The following ELMO1 variants were observed in gnomAD, a reference collection of about 807,000 sequenced individuals.
ELMO1 encodes the protein engulfment and cell motility protein 1.
Under a neutral mutation model 98.9 loss-of-function variants are expected in ELMO1, and 26 were observed. The observed-to-expected ratio is 0.26, with a 90% CI of 0.19 to 0.36. ELMO1 has a LOEUF of 0.36. ELMO1 is among the 10% of genes least tolerant of loss of function. The pLI, the probability that ELMO1 is intolerant of heterozygous loss-of-function variation, is 1.00. For missense variants in ELMO1, 627 were observed against 935.2 expected (o/e 0.67, Z 4.30); for synonymous variants, 346 against 346.0 (o/e 1.00, Z 0.00).
rs1584634535 is a variant in ELMO1, at chr7:37,094,897, C to T, written c.1300+1722G>A. ...AGTAGCAGAGCTGAACTCAGTTCCCCTCTATTCCCAGCAATCTCTACCTCC... is the reference window on the plus strand; with the variant it reads ...AGTAGCAGAGCTGAACTCAGTTCCCTTCTATTCCCAGCAATCTCTACCTCC... On this transcript the variant is annotated intron_variant, in intron 15 of 21. Transcript: ENST00000310758. Among the ~76,000 whole-genome samples, 3 of 152,202 alleles carry T rather than the reference C, an allele frequency of 2.0e-5. No individual in the cohort carries two copies. The South Asian group carries it at 6.2e-4, about 32-fold the overall frequency.
intron 13 of ELMO1, among the ~76,000 whole-genome samples, chr7:37,163,397 G>C (rs1789373533): frequency 6.6e-6 from 1 of 151,162 alleles, no homozygotes; most frequent in African/African-American, 2.5e-5. Flanking sequence ...CAATGTGCAG[G>C]TTAGTTACAT....
chr7:37,146,473 C>G (rs1194539448), intron 13 of ELMO1, among the ~76,000 whole-genome samples: 1 of 152,158 alleles, frequency 6.6e-6, no homozygotes, highest in Non-Finnish European at 1.5e-5. Flanking sequence ...TGGGCAGTGA[C>G]TCTTAGTGAA....
chr7:37,278,034 T>C (rs765907546), intron 4 of ELMO1, among the ~76,000 whole-genome samples: 1 of 151,608 alleles, frequency 6.6e-6, no homozygotes, highest in Non-Finnish European at 1.5e-5. Flanking sequence ...TCATGACCCA[T>C]GCATGCTTTG....
intron 14 of ELMO1, among the ~76,000 whole-genome samples, chr7:37,116,185 G>A (rs1017765014): frequency 3.3e-5 from 5 of 152,122 alleles, no homozygotes; most frequent in African/African-American, 1.2e-4. Context: ...TTGAACTCCT[G>A]CATTACAACA....
At chr7:37,092,616 C>T (rs147063042) in intron 15 of ELMO1, among the ~76,000 whole-genome samples, 6,751 of 152,090 alleles carry the variant, frequency 0.044, 419 homozygotes, top group African/African-American at 0.14. Context: ...ACCTTGTGAT[C>T]AGCCCACCTT....
intron 4 of ELMO1, among the ~76,000 whole-genome samples, chr7:37,275,587 G>T (rs2717975): frequency 0.41 from 63,048 of 152,028 alleles, 13,614 homozygotes; most frequent in Middle Eastern, 0.54. Flanking sequence ...AAGAGGAAAC[G>T]GACGCAGGCA....
chr7:37,210,038 A>C (rs1263242385), intron 13 of ELMO1, among the ~76,000 whole-genome samples: 5 of 152,198 alleles, frequency 3.3e-5, no homozygotes. Flanking sequence ...ACAGAGTGTT[A>C]GTTTTTTAGG....
At chr7:37,387,119 C>G (rs751690510) in intron 1 of ELMO1, among the ~76,000 whole-genome samples, 1 of 152,226 alleles carries the variant, frequency 6.6e-6, no homozygotes, top group Admixed American at 6.5e-5. Flanking sequence ...AAAGAAAGAA[C>G]CAGAGATGCA....
Position 36,976,007 on chromosome 7 carries a change from G to A in ELMO1, c.1437+37292C>T, listed in dbSNP as rs76270313. On this transcript the variant is annotated intron_variant, in intron 16 of 21. Transcript: ENST00000310758. ...TCAATATTTTCCTCCTTGAATAGGG[G>A]TCAATAGGATTTATGTAAAAGCCGA... is the stretch of plus-strand genomic sequence containing the variant. Among the ~76,000 whole-genome samples the A allele has an allele frequency of 5.1e-3, 778 of 152,284 alleles. 13 individuals are homozygous for A. The highest frequency in any genetic ancestry group is 0.018 in the African/African-American group (744 of 41,550).
intron 13 of ELMO1, among the ~76,000 whole-genome samples, chr7:37,162,007 A>G (rs1483334603): frequency 7.0e-6 from 1 of 143,350 alleles, no homozygotes; most frequent in South Asian, 2.3e-4. Flanking sequence ...ACAAAAAAAA[A>G]GGGGAGGAGG....
chr7:37,354,937 G>A (rs1801435066), intron 1 of ELMO1, among the ~76,000 whole-genome samples: 1 of 152,222 alleles, frequency 6.6e-6, no homozygotes, highest in Admixed American at 6.5e-5. Context: ...TAGAACATTT[G>A]ATTGCATCAG....
intron 1 of ELMO1, among the ~76,000 whole-genome samples, chr7:37,378,781 A>T (rs1405892201): frequency 1.3e-5 from 2 of 152,076 alleles, no homozygotes; most frequent in Non-Finnish European, 2.9e-5. Flanking sequence ...ATTCATATTC[A>T]AAACTAACAG....
intron 4 of ELMO1, among the ~76,000 whole-genome samples, chr7:37,272,288 T>C (rs1796603396): frequency 6.6e-6 from 1 of 152,162 alleles, no homozygotes. Flanking sequence ...AGCCAAAACG[T>C]AGAAACAATA....
intron 4 of ELMO1, among the ~76,000 whole-genome samples, chr7:37,278,104 T>C (rs559368019): frequency 6.9e-6 from 1 of 145,906 alleles, no homozygotes; most frequent in South Asian, 2.1e-4. Context: ...CTTTCTGTGA[T>C]AGCTTTTCCT....
intron 16 of ELMO1, among the ~76,000 whole-genome samples, chr7:36,944,941 G>A (rs535259251): frequency 1.3e-5 from 2 of 152,182 alleles, no homozygotes; most frequent in Non-Finnish European, 2.9e-5. Context: ...CTTGAAGTGG[G>A]AATAAAGGGT....
intron 13 of ELMO1, among the ~76,000 whole-genome samples, chr7:37,173,841 G>A (rs1303243215): frequency 6.6e-6 from 1 of 152,216 alleles, no homozygotes; most frequent in African/African-American, 2.4e-5. Context: ...TGCTCGGCTG[G>A]CTTTAGTGAG....
At chr7:37,236,122 G>A (rs951984012) in intron 7 of ELMO1, among the ~76,000 whole-genome samples, 1 of 152,138 alleles carries the variant, frequency 6.6e-6, no homozygotes, top group African/African-American at 2.4e-5. Flanking sequence ...CTGCTCAATA[G>A]AGCCCTAATC....
At chr7:37,375,598 A>G in intron 1 of ELMO1, 1 of 1,119,384 alleles carries the variant, frequency 8.9e-7, no homozygotes. Flanking sequence ...GCCAAGAAGG[A>G]TGTCCCCCAT....
intron 13 of ELMO1, among the ~76,000 whole-genome samples, chr7:37,168,457 T>C (rs1384396798): frequency 1.3e-5 from 2 of 152,150 alleles, no homozygotes; most frequent in Non-Finnish European, 2.9e-5. Context: ...TTTTTCCCCA[T>C]CTTTGTGGTT....
Sources: gnomAD v4.1 joint callset for allele counts (sites outside exome capture counted in the v4.1 genomes callset) on GRCh38, gnomAD v4.1.1 for gene constraint, MANE v1.5 for transcripts, NCBI Gene and HGNC (gene_info 2026-07-23, HGNC 2026-07-21) for gene names.